The following SENP1 variants were observed in gnomAD, a reference collection of about 807,000 sequenced individuals.
The protein encoded by SENP1 is SUMO specific peptidase 1.
A neutral mutation model predicts 93.0 loss-of-function variants in SENP1; 21 were observed. The ratio of observed to expected loss-of-function variants is 0.23; its 90% CI spans 0.16 to 0.33. The LOEUF is 0.33. Ranked by LOEUF, SENP1 falls within the 10% of genes least tolerant of loss-of-function variation. SENP1 has a pLI of 1.00. For missense variants in SENP1, 591 were observed against 758.7 expected, an observed-to-expected ratio of 0.78 and a Z score of 2.60; for synonymous variants, 256 against 259.6, an observed-to-expected ratio of 0.99 and a Z score of 0.13.
chr12:48,055,899 A>C (rs1942222641), intron 13 of SENP1, among the ~76,000 whole-genome samples: 1 of 139,954 alleles, frequency 7.1e-6, no homozygotes, highest in Non-Finnish European at 1.5e-5. Context: ...ATATATAAAA[A>C]TATTAATATA....
At chr12:48,105,354 G>C in intron 1 of SENP1, 1 of 518,574 alleles carries the variant, frequency 1.9e-6, no homozygotes, top group South Asian at 1.4e-5. Context: ...CATAGATCCA[G>C]AGATCACGTT....
chr12:48,094,667 G>A (rs749377447), intron 4 of SENP1, among the ~76,000 whole-genome samples: 1 of 151,936 alleles, frequency 6.6e-6, no homozygotes, highest in Non-Finnish European at 1.5e-5. Context: ...GTGACAGAGC[G>A]AGACTCCATC....
At chr12:48,101,218 A>G (rs1049150620) in intron 2 of SENP1, among the ~76,000 whole-genome samples, 2 of 152,190 alleles carry the variant, frequency 1.3e-5, no homozygotes, top group African/African-American at 4.8e-5. Flanking sequence ...CCCAGGAGAC[A>G]GAGGTTGCAG....
At chr12:48,082,046 C>T (rs564151071) in intron 6 of SENP1, among the ~76,000 whole-genome samples, 7 of 152,060 alleles carry the variant, frequency 4.6e-5, no homozygotes, top group South Asian at 4.2e-4. Flanking sequence ...CCCGCCACCA[C>T]GCCTGGCTAA....
At chr12:48,075,216 A>AAAAACAAAACAAAAC (rs58188197) in intron 6 of SENP1, among the ~76,000 whole-genome samples, 24 of 150,332 alleles carry the variant, frequency 1.6e-4, no homozygotes, top group Non-Finnish European at 2.2e-4. Context: ...CTCTGTCTCA[A>AAAAACAAAACAAAAC]AAAACAAAAC....
chr12:48,078,818 A>G (rs756973178), intron 6 of SENP1, among the ~76,000 whole-genome samples: 30 of 152,380 alleles, frequency 2.0e-4, no homozygotes, highest in Admixed American at 1.2e-3. Flanking sequence ...CAGTAAAAGA[A>G]AACATCTTTC....
At chr12:48,069,145 T>A (rs1201755053) in intron 9 of SENP1, among the ~76,000 whole-genome samples, 3 of 81,012 alleles carry the variant, frequency 3.7e-5, no homozygotes, top group African/African-American at 5.4e-5. Context: ...AGAGCAAGAC[T>A]CTGTCACAAA....
Position 48,065,062 on chromosome 12 carries a change from T to C in SENP1, c.1275+3A>G. Reference sequence around the variant, plus strand: ...GTGTAGAAATTAAGTGTATGTAACTTACCTCTGTAATTTCAGGAAATTCAT... The same window carrying C: ...GTGTAGAAATTAAGTGTATGTAACTCACCTCTGTAATTTCAGGAAATTCAT... On this transcript the variant is annotated splice_donor_region_variant and intron_variant, in intron 12 of 17. Coordinates refer to ENST00000549518, the MANE Select transcript of SENP1 (RefSeq NM_001267594.2). 5.1e-6 allele frequency: 8 copies of C among 1,570,114 alleles called. No individual in the cohort carries two copies. Among genetic ancestry groups the C allele is most frequent in the South Asian group, 1.1e-5 (1 of 89,972 alleles).
At position 48,074,285 on chromosome 12, in the gene SENP1, A is replaced by C. The variant is rs1329062602; in HGVS notation, c.940+39T>G. 2.0e-6 allele frequency: 3 copies of C among 1,527,288 alleles called. No homozygotes were observed. The South Asian group carries it at 3.6e-5, about 18-fold the overall frequency. 94.6% of individuals were successfully genotyped at this position (1,527,288 alleles called of 1,614,324 possible). A position where few individuals can be genotyped will look rare whatever the true frequency, so the allele number is the denominator to read the frequency against. ...TGAGCTAATGAACAGTTAATTGGCT[A>C]TTAGGACTAAAAATGTAGTTATATG... On this transcript the variant is annotated intron_variant, in intron 8 of 17. Coordinates refer to ENST00000549518, the MANE Select transcript of SENP1 (RefSeq NM_001267594.2).
chr12:48,046,892 G>A, intron 16 of SENP1, 86 bp downstream of exon 16: 1 of 843,592 alleles, frequency 1.2e-6, no homozygotes, highest in Non-Finnish European at 2.0e-6. Flanking sequence ...ACGAACACAG[G>A]TGGTCCCTGG....
Position 48,083,610 on chromosome 12 carries a change from T to C in SENP1, c.533A>G (p.His178Arg). Reference protein sequence around the residue: ...LLSPKKTQRRHVSTAEETVQE... With the variant: ...LLSPKKTQRRRVSTAEETVQE... Reference sequence around the variant, plus strand: ...CCTTACCTCTTCTGCTGTACTAACATGTCGCCTCTGAGTTTTCTTGGGGCT... The same window carrying C: ...CCTTACCTCTTCTGCTGTACTAACACGTCGCCTCTGAGTTTTCTTGGGGCT... The change falls in exon 6 of 18, where the codon CAT becomes CGT. Residue 178 changes from histidine to arginine, a missense_variant. Around this residue, in one of 4 missense-constraint regions of SENP1, gnomAD observed 214 missense variants for 243.4 expected, o/e 0.88. Transcript: ENST00000549518. 1 of 1,613,844 alleles carries C rather than the reference T, an allele frequency of 6.2e-7. No individual in the cohort carries two copies. The highest frequency in any genetic ancestry group is 8.5e-7 in the Non-Finnish European group (1 of 1,179,818).
intron 1 of SENP1, chr12:48,105,372 A>G (rs1459404091): frequency 3.9e-6 from 2 of 518,946 alleles, no homozygotes; most frequent in Non-Finnish European, 7.7e-6. Context: ...GTTAGGGTAC[A>G]CCAAGAAAGA....
chr12:48,101,906 C>T (rs753447347), intron 1 of SENP1, among the ~76,000 whole-genome samples: 2 of 152,188 alleles, frequency 1.3e-5, no homozygotes, highest in African/African-American at 2.4e-5. Flanking sequence ...TAAATCACTT[C>T]ATAAACAAGT....
intron 13 of SENP1, among the ~76,000 whole-genome samples, chr12:48,052,416 G>A (rs1376168043): frequency 1.3e-5 from 2 of 152,272 alleles, no homozygotes; most frequent in East Asian, 3.9e-4. Flanking sequence ...CTTCTGAGCA[G>A]AGATCAAGAC....
chr12:48,093,238 G>A (rs1273852350), intron 4 of SENP1, among the ~76,000 whole-genome samples: 1 of 148,840 alleles, frequency 6.7e-6, no homozygotes, highest in Non-Finnish European at 1.5e-5. Flanking sequence ...ACAGCTTCAT[G>A]TCAGTTCAAG....
intron 6 of SENP1, among the ~76,000 whole-genome samples, chr12:48,076,142 C>T (rs1944056309): frequency 2.0e-5 from 3 of 152,218 alleles, no homozygotes; most frequent in Non-Finnish European, 4.4e-5. Context: ...TAGTAATATG[C>T]CCTGGCAATT....
intron 10 of SENP1, among the ~76,000 whole-genome samples, chr12:48,066,178 A>C (rs1186089034): frequency 6.6e-6 from 1 of 152,242 alleles, no homozygotes; most frequent in East Asian, 1.9e-4. Context: ...AAACGAATAC[A>C]AGATATCACT....
chr12:48,091,296 A>G (rs993656996), intron 4 of SENP1, among the ~76,000 whole-genome samples: 1 of 152,092 alleles, frequency 6.6e-6, no homozygotes, highest in African/African-American at 2.4e-5. Flanking sequence ...TAAAAATACA[A>G]AAAATTAGCC....
At chr12:48,061,887 A>G (rs1213242045) in intron 13 of SENP1, among the ~76,000 whole-genome samples, 1 of 152,168 alleles carries the variant, frequency 6.6e-6, no homozygotes, top group African/African-American at 2.4e-5. Context: ...ACTCATTTTC[A>G]AGGATAACAT....
Sources: gnomAD v4.1 joint callset for allele counts (sites outside exome capture counted in the v4.1 genomes callset) on GRCh38, gnomAD v4.1.1 for gene constraint, gnomAD v4.1.1 regional missense constraint, MANE v1.5 for transcripts, NCBI Gene and HGNC (gene_info 2026-07-23, HGNC 2026-07-21) for gene names.